Variants in MEIS2 observed in about 807,000 individuals in gnomAD.
MEIS2 encodes Meis homeobox 2.
MEIS2 carries 9 observed loss-of-function variants against 58.6 expected under a neutral mutation model. The ratio of observed to expected loss-of-function variants is 0.15; its 90% CI spans 0.09 to 0.27. The LOEUF is 0.27. Ranked by LOEUF, MEIS2 falls within the 10% of genes least tolerant of loss-of-function variation. The pLI is 1.00. For synonymous variants in MEIS2, 221 were observed against 228.4 expected (o/e 0.97, Z 0.29); for missense variants, 427 against 635.0 (o/e 0.67, Z 3.52).
chr15:37,096,326 T>G lies in MEIS2; in HGVS notation c.350A>C (p.Asp117Ala). 1 of 1,611,306 alleles carries G rather than the reference T, an allele frequency of 6.2e-7. No homozygotes were observed. The highest frequency in any genetic ancestry group is 1.7e-5 in the Admixed American group (1 of 59,766). Residue 117 changes from aspartate to alanine, a missense_variant, in exon 3 of 12, where the codon GAC (aspartate) becomes GCC (alanine). By Grantham distance (126) the Asp-to-Ala change is moderately radical (BLOSUM62 -2). Transcript: ENST00000561208. ...GVAGGDVCSS[D>A]SFNEDIAVFA... ...GACCGCGATGTCCTCGTTGAAGGAGTCGGAGGAGCAGACGTCTCCGCCAGC... is the reference window on the plus strand; with the variant it reads ...GACCGCGATGTCCTCGTTGAAGGAGGCGGAGGAGCAGACGTCTCCGCCAGC...
intron 8 of MEIS2, among the ~76,000 whole-genome samples, chr15:37,033,347 G>A (rs2062008233): frequency 6.6e-6 from 1 of 152,148 alleles, no homozygotes; most frequent in Non-Finnish European, 1.5e-5. Context: ...GGCCCATTCA[G>A]GGGGCAAAGC....
chr15:36,987,573 A>G (rs1161672874), intron 8 of MEIS2, among the ~76,000 whole-genome samples: 1 of 152,158 alleles, frequency 6.6e-6, no homozygotes, highest in Non-Finnish European at 1.5e-5. Flanking sequence ...AGTGTCTTTC[A>G]TGGGCTGGGG....
At chr15:36,989,504 T>C (rs937921592) in intron 8 of MEIS2, among the ~76,000 whole-genome samples, 1 of 152,196 alleles carries the variant, frequency 6.6e-6, no homozygotes, top group African/African-American at 2.4e-5. Flanking sequence ...TGTGGACTTC[T>C]AGTCACACAG....
chr15:37,083,947 A>G (rs1157896452), intron 6 of MEIS2, 62 bp from the exon 7 acceptor site: 2 of 1,458,522 alleles, frequency 1.4e-6, no homozygotes, highest in South Asian at 1.1e-5. Flanking sequence ...ATGAAGAACC[A>G]AAAGGAACGG....
intron 9 of MEIS2, among the ~76,000 whole-genome samples, chr15:36,932,648 C>T (rs1194762): frequency 0.95 from 144,179 of 152,208 alleles, 68,684 homozygotes; most frequent in East Asian, 1. Context: ...GTGGGCAAAA[C>T]TGTATGTGTG....
At chr15:36,893,223 T>C (rs536151303) in intron 11 of MEIS2, among the ~76,000 whole-genome samples, 1 of 152,380 alleles carries the variant, frequency 6.6e-6, no homozygotes. Flanking sequence ...CTGATTTCTC[T>C]TACAAGTTAC....
Position 37,096,442 on chromosome 15 carries a change from C to T in MEIS2, c.246-12G>A. On this transcript the variant is annotated splice_polypyrimidine_tract_variant and intron_variant, in intron 2 of 11. Coordinates refer to ENST00000561208, the MANE Select transcript of MEIS2 (RefSeq NM_170675.5). The stretch of plus-strand genomic sequence containing the variant: ...GAAACAACGGGTGCCTAACGGGCAG[C>T]GCCACGCAGAGACACACACACAGAG... 1 of 1,610,636 alleles carries T rather than the reference C, an allele frequency of 6.2e-7. No homozygotes were observed. Among genetic ancestry groups the T allele is most frequent in the South Asian group, 1.1e-5 (1 of 90,700 alleles).
chr15:37,085,193 T>TA (rs796654873), intron 6 of MEIS2, among the ~76,000 whole-genome samples: 16 of 152,226 alleles, frequency 1.1e-4, no homozygotes, highest in African/African-American at 1.4e-4. Context: ...AGTATATCAC[T>TA]AAAAAAACCA....
chr15:36,889,951 T>G lies in MEIS2; in HGVS notation c.*2222A>C, dbSNP rs1444068226. The G allele has an allele frequency of 6.6e-6, 1 of 152,192 alleles. No individual in the cohort carries two copies. The highest frequency in any genetic ancestry group is 1.5e-5 in the Non-Finnish European group (1 of 68,012). The allele number at this position is 152,192 out of a possible 1,614,324, so 9.4% of individuals were successfully genotyped here. Reference sequence around the variant, plus strand: ...CTATGTTTAAACAGCAACACAACACTTAAACTGAAATGTATTTGTAAAAAT... The same window carrying G: ...CTATGTTTAAACAGCAACACAACACGTAAACTGAAATGTATTTGTAAAAAT... On this transcript the variant is annotated 3_prime_UTR_variant, in exon 12 of 12. Transcript: ENST00000561208.
intron 9 of MEIS2, among the ~76,000 whole-genome samples, chr15:36,912,826 C>T (rs912514186): frequency 1.4e-5 from 2 of 141,748 alleles, no homozygotes; most frequent in African/African-American, 2.7e-5. Context: ...TCACCCCCCA[C>T]TCCTGAAAAA....
chr15:36,977,101 G>A (rs1319077149), intron 8 of MEIS2, among the ~76,000 whole-genome samples: 1 of 151,874 alleles, frequency 6.6e-6, no homozygotes, highest in Non-Finnish European at 1.5e-5. Flanking sequence ...ACTCCAGCCT[G>A]GACAACAAGA....
chr15:36,922,955 T>G (rs886479866), intron 9 of MEIS2, among the ~76,000 whole-genome samples: 3 of 152,172 alleles, frequency 2.0e-5, no homozygotes, highest in Non-Finnish European at 4.4e-5. Context: ...TTTAGTTATC[T>G]AGAAGAAAGT....
At chr15:36,925,635 G>A (rs1277986805) in intron 9 of MEIS2, among the ~76,000 whole-genome samples, 1 of 152,126 alleles carries the variant, frequency 6.6e-6, no homozygotes, top group South Asian at 2.1e-4. Flanking sequence ...TAATTTTATA[G>A]GCCCTGTTTT....
rs1274403454 is a variant in MEIS2 at position 37,098,108 on chromosome 15, G to A, written c.104C>T (p.Pro35Leu). ...CGGCCCGTGGTTCAGGTGGTGAACC[G>A]GGGGGATCGGCCGCGGCGCGTGAGG... ...GDPHAPRPIP[P>L]VHHLNHGPPL... The change falls in exon 2 of 12, where the codon CCG becomes CTG. Residue 35 changes from proline (P) to leucine (L), a missense_variant. By Grantham distance (98) the Pro-to-Leu change is moderately conservative. This residue lies in a region of MEIS2 where 103 missense variants were observed against 111.8 expected (regional missense o/e 0.92). Coordinates refer to ENST00000561208, the MANE Select transcript of MEIS2 (RefSeq NM_170675.5). The A allele has an allele frequency of 6.2e-7, 1 of 1,613,326 alleles. No individual in the cohort carries two copies. The highest frequency in any genetic ancestry group is 8.5e-7 in the Non-Finnish European group (1 of 1,179,782).
At chr15:37,084,634 T>C (rs1892659260) in intron 6 of MEIS2, among the ~76,000 whole-genome samples, 1 of 152,214 alleles carries the variant, frequency 6.6e-6, no homozygotes, top group Non-Finnish European at 1.5e-5. Flanking sequence ...AGCAGTGCTT[T>C]TTCCTAGAAG....
intron 7 of MEIS2, among the ~76,000 whole-genome samples, chr15:37,067,097 T>C (rs113695554): frequency 2.7e-5 from 4 of 150,680 alleles, no homozygotes; most frequent in African/African-American, 9.8e-5. Flanking sequence ...TCTTTTTTTT[T>C]TTTTTTTTTT....
chr15:37,097,956 G>C lies in MEIS2; in HGVS notation c.245+11C>G, dbSNP rs1894505847. On this transcript the variant is annotated intron_variant, in intron 2 of 11. Coordinates refer to ENST00000561208, the MANE Select transcript of MEIS2 (RefSeq NM_170675.5). ...CACACACAGTAAGCTGGGTCCGGGG[G>C]GTCAGTTTACCCATAGATCGCGTCC... The C allele has an allele frequency of 7.6e-6, 12 of 1,576,844 alleles. 1 individual carries two copies. In the Middle Eastern group the frequency reaches 5.1e-4, roughly 67 times the overall value.
chr15:37,016,903 G>A lies in MEIS2; in HGVS notation c.900+19911C>T, dbSNP rs143535547. On this transcript the variant is annotated intron_variant, in intron 8 of 11. Transcript: ENST00000561208. Reference sequence around the variant, plus strand: ...ACACTCTATAAAAAGGTTGATTTAAGTGAATTGTAAATTTGCTTCATTGCA... The same window carrying A: ...ACACTCTATAAAAAGGTTGATTTAAATGAATTGTAAATTTGCTTCATTGCA... Among the ~76,000 whole-genome samples, 1,343 of 152,318 alleles carry A rather than the reference G, an allele frequency of 8.8e-3. 15 individuals carry two copies. The highest frequency in any genetic ancestry group is 0.031 in the African/African-American group (1,290 of 41,564).
In MEIS2 at chr15:37,096,325, G is replaced by A. The variant is rs1196615150; in HGVS notation, c.351C>T (p.Asp117=). The A allele has an allele frequency of 1.9e-6, 3 of 1,613,554 alleles. No individual in the cohort carries two copies. Among genetic ancestry groups the A allele is most frequent in the Non-Finnish European group, 2.5e-6 (3 of 1,179,720 alleles). Residue 117 remains aspartate (D), a synonymous_variant, in exon 3 of 12, where the codon GAC becomes GAT. Transcript: ENST00000561208. ...AGACCGCGATGTCCTCGTTGAAGGA[G>A]TCGGAGGAGCAGACGTCTCCGCCAG... is the stretch of plus-strand genomic sequence containing the variant. ...GVAGGDVCSS[D]SFNEDIAVFA...
Sources: allele counts gnomAD v4.1 joint callset (sites outside exome capture counted in the v4.1 genomes callset), GRCh38; gene constraint gnomAD v4.1.1; regional missense constraint gnomAD v4.1.1; transcripts MANE v1.5; gene names NCBI Gene and HGNC (gene_info 2026-07-23, HGNC 2026-07-21).